KLHL13: variants seen among roughly 807,000 people sequenced by gnomAD.
The protein encoded by KLHL13 is kelch-like protein 13.
In KLHL13, 10 loss-of-function variants were observed where a neutral mutation model predicts 37.1. The ratio of observed to expected loss-of-function variants is 0.27; its 90% CI spans 0.17 to 0.46. The LOEUF (loss-of-function observed/expected upper bound fraction) is 0.46. KLHL13 is among the 20% of genes least tolerant of loss of function. The pLI is 1.00. For synonymous variants in KLHL13, 163 were observed against 181.2 expected (o/e 0.90, Z 0.81); for missense variants, 360 against 509.3 (o/e 0.71, Z 2.82).
At chrX:117,927,268 C>A (rs2147730409) in intron 2 of KLHL13, among the ~76,000 whole-genome samples, 1 of 111,547 alleles carries the variant, frequency 9.0e-6, no homozygotes, top group African/African-American at 3.2e-5. Context: ...CGCCTCGCCC[C>A]GCCCCGCCCC....
intron 1 of KLHL13, among the ~76,000 whole-genome samples, chrX:117,997,778 A>C (rs777045413): frequency 1.6e-4 from 18 of 111,680 alleles, no homozygotes; most frequent in Non-Finnish European, 3.4e-4. Context: ...CAGCACATTC[A>C]GTCTTGTCTA....
At chrX:118,111,331 G>A (rs1406637790) in intron 1 of KLHL13, among the ~76,000 whole-genome samples, 2 of 113,097 alleles carry the variant, frequency 1.8e-5, no homozygotes, top group Non-Finnish European at 1.9e-5. Flanking sequence ...TCAACATTAA[G>A]TAGAATAAAG....
chrX:117,919,780 G>A, intron 3 of KLHL13, 63 bp from the exon 5 acceptor site: 4 of 833,625 alleles, frequency 4.8e-6, no homozygotes, highest in Non-Finnish European at 6.9e-6. Flanking sequence ...CACTTCTGCT[G>A]CTAATTAGAT....
At chrX:118,096,154 A>G (rs2055203349) in intron 1 of KLHL13, among the ~76,000 whole-genome samples, 1 of 111,739 alleles carries the variant, frequency 8.9e-6, no homozygotes, top group South Asian at 3.7e-4. Context: ...GTTTTTTGAA[A>G]AGATCATCAA....
At chrX:117,954,928 G>T (rs1005365610) in intron 1 of KLHL13, among the ~76,000 whole-genome samples, 3 of 111,698 alleles carry the variant, frequency 2.7e-5, no homozygotes, top group African/African-American at 9.8e-5. Flanking sequence ...CAATGCTCAG[G>T]CCAATTTTCT....
chrX:117,938,635 A>C (rs1217418280), intron 2 of KLHL13, among the ~76,000 whole-genome samples: 1 of 111,934 alleles, frequency 8.9e-6, no homozygotes, highest in Non-Finnish European at 1.9e-5. Context: ...TAAATTTTAA[A>C]AATTAGCAGG....
intron 1 of KLHL13, among the ~76,000 whole-genome samples, chrX:118,013,046 G>T (rs1416283526): frequency 2.7e-5 from 3 of 112,215 alleles, no homozygotes; most frequent in African/African-American, 9.7e-5. Flanking sequence ...CATTCATTCA[G>T]CAAATATTTA....
chrX:117,929,001 G>GCCA (rs1424165265), intron 2 of KLHL13, among the ~76,000 whole-genome samples: 1 of 111,459 alleles, frequency 9.0e-6, no homozygotes, highest in African/African-American at 3.3e-5. Context: ...GAATAGAAGT[G>GCCA]GCATAAACTA....
At chrX:118,069,128 C>CACACACACACACAT (rs1178060173) in intron 1 of KLHL13, among the ~76,000 whole-genome samples, 58 of 107,439 alleles carry the variant, frequency 5.4e-4, no homozygotes, top group African/African-American at 2.0e-3. Flanking sequence ...CACACACACA[C>CACACACACACACAT]ACACACACAC....
chrX:118,070,438 C>A (rs1335578496), intron 1 of KLHL13, among the ~76,000 whole-genome samples: 1 of 111,975 alleles, frequency 8.9e-6, no homozygotes, highest in East Asian at 2.8e-4. Context: ...AGCATAATTG[C>A]ACAGTAACCA....
rs187492946 is a variant in KLHL13, at chrX:117,919,383, C to T, written c.570+138G>A. 1.3e-4 allele frequency: 67 copies of T among 525,718 alleles called. No homozygotes were observed. In the African/African-American group the frequency reaches 1.4e-3, roughly 11 times the overall value. 43.3% of individuals were successfully genotyped at this position (525,718 alleles called of 1,213,427 possible). On this transcript the variant is annotated intron_variant, in intron 4 of 6. Coordinates refer to ENST00000262820, the Ensembl canonical transcript of KLHL13. ...TAAAAATGCACCTGTTTCAATCTCACCTTGCTTACAGACCACATACAACAA... is the reference window on the plus strand; with the variant it reads ...TAAAAATGCACCTGTTTCAATCTCATCTTGCTTACAGACCACATACAACAA...
At chrX:118,032,704 G>A (rs1307859488) in intron 1 of KLHL13, among the ~76,000 whole-genome samples, 10 of 112,307 alleles carry the variant, frequency 8.9e-5, no homozygotes, top group Non-Finnish European at 1.3e-4. Flanking sequence ...CCAAAGGAAC[G>A]CAGTTCCTCA....
chrX:118,053,901 A>G (rs1223487804), intron 1 of KLHL13, among the ~76,000 whole-genome samples: 2 of 103,254 alleles, frequency 1.9e-5, no homozygotes, highest in Non-Finnish European at 4.0e-5. Flanking sequence ...AGAGAAACCA[A>G]GAGAAAATCT....
intron 4 of KLHL13, among the ~76,000 whole-genome samples, chrX:117,918,324 T>A (rs1162767598): frequency 1.8e-5 from 2 of 111,530 alleles, no homozygotes; most frequent in African/African-American, 6.5e-5. Flanking sequence ...TTAAGATAGT[T>A]AAGTACCTTA....
intron 1 of KLHL13, among the ~76,000 whole-genome samples, chrX:118,026,955 G>A (rs1273723711): frequency 8.9e-6 from 1 of 111,763 alleles, no homozygotes; most frequent in Middle Eastern, 4.2e-3. Flanking sequence ...AATGAAACAT[G>A]GCCTTACCAG....
intron 4 of KLHL13, among the ~76,000 whole-genome samples, chrX:117,919,266 T>C (rs1931558608): frequency 8.9e-6 from 1 of 112,266 alleles, no homozygotes; most frequent in African/African-American, 3.2e-5. Context: ...TTAGACGATC[T>C]GCCCGCCTCG....
chrX:118,089,670 A>AAAGAAAGAAAGAAAG (rs1569313977), intron 1 of KLHL13, among the ~76,000 whole-genome samples: 1 of 75,511 alleles, frequency 1.3e-5, no homozygotes, highest in African/African-American at 5.3e-5. Flanking sequence ...AAGAAAGAAA[A>AAAGAAAGAAAGAAAG]AAGAAAGTTT....
intron 4 of KLHL13, among the ~76,000 whole-genome samples, chrX:117,918,146 GACAAT>G (rs1187518953): frequency 9.0e-6 from 1 of 111,380 alleles, no homozygotes; most frequent in Non-Finnish European, 1.9e-5. Context: ...CAATAAAGAA[GACAAT>G]ACAAGTCAAC....
At chrX:118,097,974 C>A (rs755501603) in intron 1 of KLHL13, among the ~76,000 whole-genome samples, 1 of 111,696 alleles carries the variant, frequency 9.0e-6, no homozygotes, top group East Asian at 2.8e-4. Flanking sequence ...ACCATAAAAA[C>A]CCTAGAAGGA....
Sources: gnomAD v4.1 joint callset for allele counts (sites outside exome capture counted in the v4.1 genomes callset) on GRCh38, gnomAD v4.1.1 for gene constraint, MANE v1.5 for transcripts, NCBI Gene and HGNC (gene_info 2026-07-23, HGNC 2026-07-21) for gene names.